Variants in LMF1 observed in about 807,000 individuals in gnomAD.
LMF1 encodes lipase maturation factor 1, also known as transmembrane protein 112.
LMF1 carries 68 observed loss-of-function variants against 60.6 expected under a neutral mutation model. The ratio of observed to expected loss-of-function variants is 1.12; its 90% CI spans 0.92 to 1.37. The LOEUF is 1.37. Ranked by LOEUF, LMF1 falls within the 40% of genes most tolerant of loss-of-function variation. The probability of loss-of-function intolerance (pLI) is 0.00; values close to 1 mark genes in which losing one functional copy is unlikely to be tolerated. For synonymous variants in LMF1, 418 were observed against 324.7 expected (o/e 1.29, Z -3.09); for missense variants, 948 against 767.2 (o/e 1.24, Z -2.78).
Position 855,731 on chromosome 16 carries a change from T to G in LMF1, c.1530-1025A>C, listed in dbSNP as rs911801163. The G allele has an allele frequency of 7.0e-5, 32 of 455,884 alleles. 1 individual carries two copies. Among genetic ancestry groups the G allele is most frequent in the Admixed American group, 6.6e-4 (28 of 42,558 alleles). The allele number at this position is 455,884 out of a possible 1,614,324, so 28.2% of individuals were successfully genotyped here. A position where few individuals can be genotyped will look rare whatever the true frequency, so the allele number is the denominator to read the frequency against. On this transcript the variant is annotated intron_variant, in intron 10 of 10. Transcript: ENST00000262301. The stretch of plus-strand genomic sequence containing the variant: ...GTGCAGCCATAACAGGACCCTCTCA[T>G]GGCCCCTGGAATGAGCCCAGGCAGG...
intron 6 of LMF1, among the ~76,000 whole-genome samples, chr16:875,911 T>C (rs915460433): frequency 6.6e-6 from 1 of 152,132 alleles, no homozygotes; most frequent in Non-Finnish European, 1.5e-5. Flanking sequence ...CAGGACCGCA[T>C]GGCTGAAGAC....
intron 1 of LMF1, chr16:979,504 GT>G (rs1438275404): frequency 2.6e-6 from 1 of 382,428 alleles, no homozygotes; most frequent in Non-Finnish European, 5.3e-6. Flanking sequence ...CTGAGGCAGG[GT>G]CTCAGTTGCA....
chr16:898,002 C>T (rs916138239), intron 4 of LMF1, among the ~76,000 whole-genome samples: 21 of 152,176 alleles, frequency 1.4e-4, no homozygotes, highest in Non-Finnish European at 1.8e-4. Flanking sequence ...TTCTGCGTGG[C>T]GGGCGTCCTC....
At chr16:877,157 C>T (rs1042379590) in intron 6 of LMF1, among the ~76,000 whole-genome samples, 2 of 152,106 alleles carry the variant, frequency 1.3e-5, no homozygotes, top group Admixed American at 6.5e-5. Flanking sequence ...ATAGCGAGAC[C>T]CCCAGCTCTA....
chr16:879,813 T>A, intron 5 of LMF1, 76 bp from the exon 6 acceptor site: 1 of 1,424,950 alleles, frequency 7.0e-7, no homozygotes, highest in East Asian at 2.5e-5. Flanking sequence ...TGTGGGTCCC[T>A]GGCCCCCTGA....
intron 10 of LMF1, chr16:854,917 A>G (rs1185979868): frequency 4.9e-6 from 3 of 606,948 alleles, no homozygotes; most frequent in Non-Finnish European, 8.8e-6. Flanking sequence ...TGAACAGCGC[A>G]GCAAGGGGGA....
rs191285783 is a variant in LMF1, at chr16:947,660, C to G, written c.503+6697G>C. On this transcript the variant is annotated intron_variant, in intron 2 of 10. Coordinates refer to ENST00000262301, the MANE Select transcript of LMF1 (RefSeq NM_022773.4). Reference sequence around the variant, plus strand: ...GAGGATCTTTCCTTCCTTCTGGGGTCGAGACAGTGGGGAAGGGATGGCGGT... The same window carrying G: ...GAGGATCTTTCCTTCCTTCTGGGGTGGAGACAGTGGGGAAGGGATGGCGGT... 2,626 of 452,228 alleles carry G rather than the reference C, an allele frequency of 5.8e-3. 17 individuals carry two copies. Among genetic ancestry groups the G allele is most frequent in the Middle Eastern group, 9.3e-3 (26 of 2,800 alleles). The allele number at this position is 452,228 out of a possible 1,614,324, so 28.0% of individuals were successfully genotyped here.
At position 871,234 on chromosome 16, in the gene LMF1, C is replaced by A. The variant is rs567111360; in HGVS notation, c.1005G>T (p.Gly335=). Residue 335 remains glycine (G), a synonymous_variant, in exon 7 of 11, where the codon GGG becomes GGT. Transcript: ENST00000262301. ...GAACTCGGTCCTTCAGGCTGCCTGG[C>A]CCAGAGGGGAACAAGAATCCCAGGG... ...DATLGFLFPS[G]PGSLKDRVLQ... is the part of the protein sequence containing the mutation. 1 of 1,612,180 alleles carries A rather than the reference C, an allele frequency of 6.2e-7. No individual in the cohort carries two copies. The highest frequency in any genetic ancestry group is 2.2e-5 in the East Asian group (1 of 44,870).
At chr16:872,470 T>G (rs1359539953) in intron 6 of LMF1, 1 of 152,274 alleles carries the variant, frequency 6.6e-6, no homozygotes, top group African/African-American at 2.4e-5. Flanking sequence ...CCAAAACAGT[T>G]ATTTCTTATT....
intron 10 of LMF1, among the ~76,000 whole-genome samples, chr16:860,211 A>AG (rs67604071): frequency 1 from 152,261 of 152,266 alleles, 76,128 homozygotes; most frequent in Middle Eastern, 1. Flanking sequence ...TTCTCTTAAC[A>AG]GGTCTTTTTA....
At chr16:945,001 G>T (rs2072201243) in intron 2 of LMF1, among the ~76,000 whole-genome samples, 1 of 151,784 alleles carries the variant, frequency 6.6e-6, no homozygotes, top group Non-Finnish European at 1.5e-5. Flanking sequence ...ATCACTGGAG[G>T]TCAGGAGTTC....
chr16:922,851 C>G (rs12929212), intron 3 of LMF1, among the ~76,000 whole-genome samples: 256 of 62,250 alleles, frequency 4.1e-3, no homozygotes, highest in Non-Finnish European at 5.4e-3. Flanking sequence ...AAAGTCGCCT[C>G]GGTTTTCGGG....
chr16:907,978 G>A (rs1426495595), intron 4 of LMF1, among the ~76,000 whole-genome samples: 2 of 152,210 alleles, frequency 1.3e-5, no homozygotes, highest in East Asian at 3.9e-4. Context: ...TTGGCACCAG[G>A]AGCTTTGCAT....
At chr16:914,683 TGACCATTGGTGACACACTCCCTCCCAC>T (rs2071227930) in intron 3 of LMF1, among the ~76,000 whole-genome samples, 4 of 652 alleles carry the variant, frequency 6.1e-3, no homozygotes, top group East Asian at 0.016. Context: ...CTCCCTCCCA[TGACCATTGGTGACACACTCCCTCCCAC>T]GACCATTGGT....
At chr16:943,478 C>T (rs369241248) in intron 2 of LMF1, among the ~76,000 whole-genome samples, 1 of 151,758 alleles carries the variant, frequency 6.6e-6, no homozygotes, top group Non-Finnish European at 1.5e-5. Flanking sequence ...GTAATCCCAG[C>T]ACTTTGGGAG....
intron 5 of LMF1, among the ~76,000 whole-genome samples, chr16:881,791 C>G (rs1479077876): frequency 1.3e-5 from 2 of 152,234 alleles, no homozygotes; most frequent in African/African-American, 4.8e-5. Flanking sequence ...GAACAAGCAT[C>G]TCCAGGGCTA....
intron 2 of LMF1, among the ~76,000 whole-genome samples, chr16:951,249 CAGCCAACGACAGAGTCAG>C (rs2072458838): frequency 2.7e-5 from 4 of 146,634 alleles, no homozygotes; most frequent in African/African-American, 5.2e-5. Flanking sequence ...ACGACAGAGT[CAGCCAACGACAGAGTCAG>C]AGCCAACGAC....
intron 5 of LMF1, among the ~76,000 whole-genome samples, chr16:892,734 C>A (rs1470775783): frequency 6.6e-6 from 1 of 152,212 alleles, no homozygotes; most frequent in Non-Finnish European, 1.5e-5. Flanking sequence ...CTGGGCAGGA[C>A]CAAGGACAGC....
At chr16:910,883 A>G (rs1349816933) in intron 4 of LMF1, 48 bp downstream of exon 4, 1 of 1,607,558 alleles carries the variant, frequency 6.2e-7, no homozygotes, top group African/African-American at 1.3e-5. Context: ...CACAGGTTAG[A>G]AGAGCCACCG....
Sources: allele counts gnomAD v4.1 joint callset (sites outside exome capture counted in the v4.1 genomes callset), GRCh38; gene constraint gnomAD v4.1.1; transcripts MANE v1.5; gene names NCBI Gene and HGNC (gene_info 2026-07-23, HGNC 2026-07-21).